Variants in ABCC8 observed in about 807,000 individuals in gnomAD.
ABCC8 encodes the protein ATP-binding cassette sub-family C member 8.
ABCC8 carries 137 observed loss-of-function variants against 188.0 expected under a neutral mutation model. The ratio of observed to expected loss-of-function variants is 0.73; its 90% CI spans 0.63 to 0.84. ABCC8 has a LOEUF of 0.84. Among genes scored for constraint, ABCC8 ranks in the 40% least tolerant of loss-of-function variants. The pLI is 0.00. For missense variants in ABCC8, 1,750 were observed against 2,072.7 expected, an observed-to-expected ratio of 0.84 and a Z score of 3.02; for synonymous variants, 797 against 846.5, an observed-to-expected ratio of 0.94 and a Z score of 1.01.
At chr11:17,408,300 G>T in intron 23 of ABCC8, 92 bp downstream of exon 23, 3 of 1,261,276 alleles carry the variant, frequency 2.4e-6, no homozygotes, top group Non-Finnish European at 3.4e-6. Context: ...GCTTCCTGGG[G>T]CACTAAGGAC....
rs927258167 is a variant in ABCC8 at position 17,415,239 on chromosome 11, C to T, written c.2291+65G>A. The T allele has an allele frequency of 3.6e-4, 572 of 1,569,782 alleles. 1 individual carries two copies. Among genetic ancestry groups the T allele is most frequent in the Admixed American group, 6.3e-4 (33 of 52,508 alleles). ...GCTGCCCAGCAGGGTGATGTGGCTC[C>T]CTTGGGCCTGAGAGCACCCTGGAGG... is the stretch of plus-strand genomic sequence containing the variant. On this transcript the variant is annotated intron_variant, in intron 18 of 38. Coordinates refer to ENST00000389817, the MANE Select transcript of ABCC8 (RefSeq NM_000352.6).
chr11:17,438,757 C>T (rs752775342), intron 10 of ABCC8, among the ~76,000 whole-genome samples: 1 of 152,248 alleles, frequency 6.6e-6, no homozygotes, highest in African/African-American at 2.4e-5. Flanking sequence ...GCCCACATTG[C>T]CCCTACATGA....
At chr11:17,405,443 G>T (rs1256187563) in intron 27 of ABCC8, 51 bp downstream of exon 27, 29 of 1,612,904 alleles carry the variant, frequency 1.8e-5, no homozygotes, top group Non-Finnish European at 2.3e-5. Context: ...AAGCCCCCAG[G>T]GGTCCGAGGT....
At chr11:17,431,049 A>G in intron 11 of ABCC8, 90 bp from the exon 12 acceptor site, 1 of 1,558,556 alleles carries the variant, frequency 6.4e-7, no homozygotes, top group Non-Finnish European at 8.7e-7. Flanking sequence ...GGGAAATGAG[A>G]GGGCTGTCAG....
At chr11:17,407,794 A>T (rs1426330444) in intron 23 of ABCC8, among the ~76,000 whole-genome samples, 2 of 152,322 alleles carry the variant, frequency 1.3e-5, no homozygotes, top group Non-Finnish European at 2.9e-5. Context: ...GGGTGGGCAC[A>T]TGACCAAACT....
At chr11:17,429,908 G>T (rs936460534) in intron 12 of ABCC8, 4 of 152,318 alleles carry the variant, frequency 2.6e-5, no homozygotes, top group Non-Finnish European at 5.9e-5. Context: ...CCATGCTAGA[G>T]TCTCCCCCTG....
intron 2 of ABCC8, among the ~76,000 whole-genome samples, chr11:17,471,121 T>C (rs1038065271): frequency 2.0e-4 from 30 of 152,254 alleles, no homozygotes; most frequent in African/African-American, 7.2e-4. Context: ...TACAGCTTGC[T>C]GCCTCAGTGC....
intron 10 of ABCC8, among the ~76,000 whole-genome samples, chr11:17,440,229 C>T (rs1956261546): frequency 6.6e-6 from 1 of 152,164 alleles, no homozygotes; most frequent in Non-Finnish European, 1.5e-5. Flanking sequence ...CCCTGTTGTT[C>T]CTGGGAGAGG....
At chr11:17,476,295 C>A (rs1367644698) in intron 1 of ABCC8, among the ~76,000 whole-genome samples, 8 of 152,164 alleles carry the variant, frequency 5.3e-5, no homozygotes, top group African/African-American at 1.9e-4. Flanking sequence ...GGGTGAGGCC[C>A]GACCCCTCTC....
chr11:17,459,909 A>G (rs1471283300), intron 6 of ABCC8, among the ~76,000 whole-genome samples: 1 of 152,244 alleles, frequency 6.6e-6, no homozygotes, highest in Non-Finnish European at 1.5e-5. Context: ...TTTTTAAGCC[A>G]TGGAAACTTT....
At position 17,443,326 on chromosome 11, in the gene ABCC8, C is replaced by G. The variant is rs763583253; in HGVS notation, c.1333-14G>C. On this transcript the variant is annotated splice_polypyrimidine_tract_variant and intron_variant, in intron 8 of 38. Coordinates refer to ENST00000389817, the MANE Select transcript of ABCC8 (RefSeq NM_000352.6). ...ACCCACAATGATCTGAGGAAGGGGT[C>G]ATGGGTCAGGTCCCTTTGACCTGAT... 1.2e-6 allele frequency: 2 copies of G among 1,613,968 alleles called. No individual in the cohort carries two copies. Among genetic ancestry groups the G allele is most frequent in the Non-Finnish European group, 1.7e-6 (2 of 1,179,998 alleles).
intron 29 of ABCC8, among the ~76,000 whole-genome samples, chr11:17,400,948 T>C (rs1954209997): frequency 6.6e-6 from 1 of 152,248 alleles, no homozygotes; most frequent in Non-Finnish European, 1.5e-5. Flanking sequence ...TAAATGTGTA[T>C]GGGGTTGATT....
At chr11:17,402,828 C>A in intron 28 of ABCC8, 75 bp from the exon 29 acceptor site, 1 of 1,559,012 alleles carries the variant, frequency 6.4e-7, no homozygotes, top group Non-Finnish European at 8.8e-7. Flanking sequence ...CCTAGCTCCA[C>A]CTGCTACCGC....
intron 6 of ABCC8, 107 bp downstream of exon 6, chr11:17,460,381 G>A: frequency 2.6e-6 from 4 of 1,529,716 alleles, no homozygotes; most frequent in Admixed American, 1.7e-5. Flanking sequence ...CATGTGTGAG[G>A]AGCCACTCCA....
At chr11:17,408,653 CA>C in intron 22 of ABCC8, 136 bp from the exon 23 acceptor site, 14 of 1,378,030 alleles carry the variant, frequency 1.0e-5, no homozygotes, top group African/African-American at 2.9e-5. Context: ...TCATCCACTG[CA>C]AGTGGGCTGG....
At chr11:17,467,665 G>A (rs1848247539) in intron 3 of ABCC8, among the ~76,000 whole-genome samples, 1 of 152,318 alleles carries the variant, frequency 6.6e-6, no homozygotes, top group Non-Finnish European at 1.5e-5. Context: ...CTGCATCACA[G>A]GTCCCCTTTC....
rs1340171029 is a variant in ABCC8, at chr11:17,395,160, AG to A, written c.4411+11del. On this transcript the variant is annotated intron_variant, in intron 36 of 38. Coordinates refer to ENST00000389817, the MANE Select transcript of ABCC8 (RefSeq NM_000352.6). ...GCCCAACCAACCCAGCTGCATAGCC[AG>A]GAGTAGTTACCGAGGCCTCCTGGCA... is the stretch of plus-strand genomic sequence containing the variant. 2 of 1,562,788 alleles carry A rather than the reference AG, an allele frequency of 1.3e-6. No individual in the cohort carries two copies. Among genetic ancestry groups the A allele is most frequent in the Non-Finnish European group, 1.7e-6 (2 of 1,151,988 alleles).
At chr11:17,402,840 G>A in intron 28 of ABCC8, 87 bp from the exon 29 acceptor site, 1 of 1,523,406 alleles carries the variant, frequency 6.6e-7, no homozygotes, top group South Asian at 1.1e-5. Flanking sequence ...TGCTACCGCT[G>A]TGTGGGTGAA....
intron 7 of ABCC8, among the ~76,000 whole-genome samples, chr11:17,450,320 TTCTTTCTCTCTC>T (rs1564959505): frequency 9.4e-6 from 1 of 105,944 alleles, no homozygotes; most frequent in African/African-American, 4.3e-5. Flanking sequence ...CTTTCTTTCT[TTCTTTCTCTCTC>T]TCTCTTTCCT....
Sources: allele counts gnomAD v4.1 joint callset (sites outside exome capture counted in the v4.1 genomes callset), GRCh38; gene constraint gnomAD v4.1.1; transcripts MANE v1.5; gene names NCBI Gene and HGNC (gene_info 2026-07-23, HGNC 2026-07-21).